The following C13orf42 variants were observed in gnomAD, a reference collection of about 807,000 sequenced individuals.
C13orf42 encodes the protein chromosome 13 open reading frame 42.
intron 1 of C13orf42, among the ~76,000 whole-genome samples, chr13:51,096,140 A>T (rs112899157): frequency 0.011 from 1,734 of 152,298 alleles, 36 homozygotes; most frequent in African/African-American, 0.04. Context: ...AGTACAGGCT[A>T]ATTTTCCAGA....
chr13:51,087,505 G>C (rs1380918377), intron 2 of C13orf42, among the ~76,000 whole-genome samples: 1 of 152,108 alleles, frequency 6.6e-6, no homozygotes, highest in East Asian at 1.9e-4. Context: ...TTTTGCAAGC[G>C]ATCTCTGGAA....
rs551507055 is a variant in C13orf42, at chr13:51,129,433, A to T, written n.137-16211T>A. On this transcript the variant is annotated intron_variant and non_coding_transcript_variant, in intron 1 of 4. Coordinates refer to the C13orf42 transcript ENST00000433280. ...CCTGAAAAAGGAAACTTGAGAGCTG[A>T]TGGGATGGCTGGAAAAGATCCCTTC... Among the ~76,000 whole-genome samples, 4 of 152,254 alleles carry T rather than the reference A, an allele frequency of 2.6e-5. No homozygotes were observed. The East Asian group carries it at 5.8e-4, about 22-fold the overall frequency.
intron 1 of C13orf42, among the ~76,000 whole-genome samples, chr13:51,109,360 G>C (rs1343992843): frequency 1.3e-5 from 2 of 152,190 alleles, no homozygotes; most frequent in Non-Finnish European, 2.9e-5. Flanking sequence ...AAGGAAGCGG[G>C]AGACAGGCCT....
chr13:51,085,229 A>C (rs1365085196), intron 3 of C13orf42, 90 bp downstream of exon 3: 2 of 373,616 alleles, frequency 5.4e-6, no homozygotes, highest in Non-Finnish European at 9.4e-6. Context: ...TTTGGCATGT[A>C]AGATGGGGCT....
At chr13:51,119,610 G>A (rs1953517343) in intron 1 of C13orf42, among the ~76,000 whole-genome samples, 1 of 152,206 alleles carries the variant, frequency 6.6e-6, no homozygotes, top group Admixed American at 6.5e-5. Context: ...CTACAGCATG[G>A]ATAAGCCTTG....
chr13:51,120,177 AG>A (rs1953522659), intron 1 of C13orf42, among the ~76,000 whole-genome samples: 1 of 152,202 alleles, frequency 6.6e-6, no homozygotes, highest in East Asian at 1.9e-4. Flanking sequence ...AATATTTGCA[AG>A]CACTGACTAC....
intron 1 of C13orf42, among the ~76,000 whole-genome samples, chr13:51,137,514 G>A (rs573917109): frequency 3.3e-5 from 5 of 152,134 alleles, no homozygotes; most frequent in Non-Finnish European, 5.9e-5. Context: ...CTGTCCCCAC[G>A]CTGGCTCCAG....
chr13:51,122,303 G>A (rs1287447540), intron 1 of C13orf42, among the ~76,000 whole-genome samples: 1 of 151,960 alleles, frequency 6.6e-6, no homozygotes, highest in Non-Finnish European at 1.5e-5. Context: ...GGAGGCCGAG[G>A]CAGGTGGATC....
At chr13:51,139,966 G>A (rs1445030812) in intron 1 of C13orf42, among the ~76,000 whole-genome samples, 1 of 152,122 alleles carries the variant, frequency 6.6e-6, no homozygotes, top group Non-Finnish European at 1.5e-5. Context: ...CTTGGGGTCT[G>A]GATTGCGACC....
intron 1 of C13orf42, among the ~76,000 whole-genome samples, chr13:51,162,736 G>C (rs893191372): frequency 6.6e-6 from 1 of 152,148 alleles, no homozygotes; most frequent in Non-Finnish European, 1.5e-5. Context: ...TGAGCAAGCC[G>C]AGGCTCAATG....
At chr13:51,119,907 A>G (rs1377259094) in intron 1 of C13orf42, among the ~76,000 whole-genome samples, 1 of 152,166 alleles carries the variant, frequency 6.6e-6, no homozygotes, top group Non-Finnish European at 1.5e-5. Context: ...AAATTTAAAA[A>G]CAAATAGATT....
chr13:51,100,909 A>G (rs1953283590), intron 1 of C13orf42, among the ~76,000 whole-genome samples: 5 of 152,168 alleles, frequency 3.3e-5, no homozygotes, highest in Admixed American at 3.3e-4. Context: ...GAGTTGTTAA[A>G]TTTGCCTTTT....
intron 1 of C13orf42, among the ~76,000 whole-genome samples, chr13:51,124,948 G>T (rs998149826): frequency 2.0e-5 from 3 of 150,194 alleles, no homozygotes; most frequent in Non-Finnish European, 4.4e-5. Flanking sequence ...AGGGTTAAAT[G>T]AATTTTTTTT....
At chr13:51,161,223 G>A (rs1443025845) in intron 1 of C13orf42, among the ~76,000 whole-genome samples, 3 of 149,124 alleles carry the variant, frequency 2.0e-5, no homozygotes, top group South Asian at 2.2e-4. Context: ...TAATTTTATT[G>A]TTAAGTATAA....
In C13orf42 at chr13:51,082,761, G is replaced by A. The variant is rs987087865; in HGVS notation, c.*1390C>T. Reference sequence around the variant, plus strand: ...TTTCCAAACATTGACATTGGCACTCGAAAAATAATAAAGAGAGGTATTAAA... The same window carrying A: ...TTTCCAAACATTGACATTGGCACTCAAAAAATAATAAAGAGAGGTATTAAA... On this transcript the variant is annotated 3_prime_UTR_variant, in exon 4 of 4. Coordinates refer to ENST00000563710, the MANE Select transcript of C13orf42 (RefSeq NM_001351589.3). 6.6e-6 allele frequency: 1 copy of A among 152,160 alleles called. No homozygotes were observed. Among genetic ancestry groups the A allele is most frequent in the East Asian group, 1.9e-4 (1 of 5,200 alleles). 9.4% of individuals were successfully genotyped at this position (152,160 alleles called of 1,614,324 possible). A position where few individuals can be genotyped will look rare whatever the true frequency, so the allele number is the denominator to read the frequency against.
At position 51,109,438 on chromosome 13, in the gene C13orf42, C is replaced by T. The variant is rs575358277; in HGVS notation, c.414+1358G>A. Among the ~76,000 whole-genome samples, 7 of 152,270 alleles carry T rather than the reference C, an allele frequency of 4.6e-5. No homozygotes were observed. The East Asian group carries it at 1.2e-3, about 25-fold the overall frequency. Reference sequence around the variant, plus strand: ...AAGTATACAACAAAACAGCCTTAACCTACGGGCATTAGAAATAAATAAAAG... The same window carrying T: ...AAGTATACAACAAAACAGCCTTAACTTACGGGCATTAGAAATAAATAAAAG... On this transcript the variant is annotated intron_variant, in intron 1 of 3. Coordinates refer to ENST00000563710, the MANE Select transcript of C13orf42 (RefSeq NM_001351589.3).
chr13:51,164,270 T>C (rs1050311115), intron 1 of C13orf42, among the ~76,000 whole-genome samples: 11 of 152,326 alleles, frequency 7.2e-5, no homozygotes, highest in African/African-American at 2.6e-4. Flanking sequence ...GGAGAGACCT[T>C]GTGTGGCTTG....
intron 1 of C13orf42, among the ~76,000 whole-genome samples, chr13:51,167,365 A>AG (rs919476438): frequency 6.6e-6 from 1 of 152,198 alleles, no homozygotes; most frequent in Non-Finnish European, 1.5e-5. Context: ...AGTCAGAAGA[A>AG]GGGGGGATTT....
Position 51,110,878 on chromosome 13 carries a change from G to A in C13orf42, c.332C>T (p.Thr111Ile), listed in dbSNP as rs1028693962. The A allele has an allele frequency of 8.3e-5, 33 of 398,554 alleles. No homozygotes were observed. Among genetic ancestry groups the A allele is most frequent in the Non-Finnish European group, 1.3e-4 (29 of 226,100 alleles). The allele number at this position is 398,554 out of a possible 1,614,324, so 24.7% of individuals were successfully genotyped here. A position where few individuals can be genotyped will look rare whatever the true frequency, so the allele number is the denominator to read the frequency against. Residue 111 changes from threonine (T) to isoleucine (I), a missense_variant, in exon 1 of 4, where the codon ACC (threonine) becomes ATC (isoleucine). Coordinates refer to ENST00000563710, the MANE Select transcript of C13orf42 (RefSeq NM_001351589.3). ...SSFSDLKPHR[T>I]QGISSTSSKS... ...GGAGGAGGTTGAGGAAATCCCCTGG[G>A]TGCGGTGGGGCTTCAGATCACTGAA... is the stretch of plus-strand genomic sequence containing the variant.
Sources: allele counts gnomAD v4.1 joint callset (sites outside exome capture counted in the v4.1 genomes callset), GRCh38; gene constraint gnomAD v4.1.1; transcripts MANE v1.5; gene names NCBI Gene and HGNC (gene_info 2026-07-23, HGNC 2026-07-21).